Variants in MTCL1 observed in about 807,000 individuals in gnomAD.
The protein encoded by MTCL1 is microtubule cross-linking factor 1.
Under a neutral mutation model 141.4 loss-of-function variants are expected in MTCL1, and 79 were observed. The ratio of observed to expected loss-of-function variants is 0.56; its 90% CI spans 0.47 to 0.67. The LOEUF is 0.67. MTCL1 is among the 30% of genes least tolerant of loss of function. The probability of loss-of-function intolerance (pLI) is 0.00; values close to 1 mark genes in which losing one functional copy is unlikely to be tolerated. For missense variants in MTCL1, 2,177 were observed against 2,113.9 expected, an observed-to-expected ratio of 1.03 and a Z score of -0.59; for synonymous variants, 914 against 875.8, an observed-to-expected ratio of 1.04 and a Z score of -0.77.
chr18:8,756,395 ATGTATATATG>A (rs1444739770), intron 4 of MTCL1, among the ~76,000 whole-genome samples: 3 of 148,118 alleles, frequency 2.0e-5, no homozygotes, highest in African/African-American at 7.4e-5. Flanking sequence ...ATGTGTATAT[ATGTATATATG>A]TGTGTATATG....
At chr18:8,753,963 C>T (rs2096384627) in intron 4 of MTCL1, among the ~76,000 whole-genome samples, 1 of 152,162 alleles carries the variant, frequency 6.6e-6, no homozygotes, top group Non-Finnish European at 1.5e-5. Context: ...TGATATACTT[C>T]AAATTTAAAA....
chr18:8,829,109 A>C, intron 16 of MTCL1: 1 of 1,507,958 alleles, frequency 6.6e-7, no homozygotes, highest in African/African-American at 1.4e-5. Flanking sequence ...GTTCGCCTAA[A>C]CCCAGGAACA....
intron 4 of MTCL1, among the ~76,000 whole-genome samples, chr18:8,758,882 T>C (rs1362250795): frequency 6.6e-6 from 1 of 152,202 alleles, no homozygotes; most frequent in Non-Finnish European, 1.5e-5. Context: ...CAAATATACC[T>C]ATCTTGCAGA....
exon 10 of MTCL1, chr18:8,798,255 G>T (rs200288992): frequency 6.3e-7 from 1 of 1,574,856 alleles, no homozygotes; most frequent in East Asian, 2.4e-5. Flanking sequence ...ACAGCTTGCG[G>T]CTGCAGACCG....
chr18:8,784,325 C>A (rs1170555149), exon 6 of MTCL1: 2 of 1,557,316 alleles, frequency 1.3e-6, no homozygotes, highest in East Asian at 4.5e-5. Context: ...CCGCCTGCCC[C>A]AGCCCAAGCG....
At chr18:8,803,670 G>T (rs2076197961) in intron 10 of MTCL1, among the ~76,000 whole-genome samples, 1 of 152,132 alleles carries the variant, frequency 6.6e-6, no homozygotes, top group Admixed American at 6.5e-5. Context: ...GGGCTCTCTT[G>T]CTCCCTTTGG....
At chr18:8,732,533 A>G (rs1299308732) in intron 4 of MTCL1, among the ~76,000 whole-genome samples, 1 of 152,202 alleles carries the variant, frequency 6.6e-6, no homozygotes, top group Admixed American at 6.5e-5. Flanking sequence ...CTCAGACTCA[A>G]GTGAGCCATC....
chr18:8,829,815 C>G (rs942960812), intron 16 of MTCL1: 5 of 985,236 alleles, frequency 5.1e-6, no homozygotes, highest in Non-Finnish European at 6.0e-6. Flanking sequence ...AGTGGCTTCT[C>G]GGGAAAGCGC....
At chr18:8,757,962 G>C (rs1227077632) in intron 4 of MTCL1, among the ~76,000 whole-genome samples, 1 of 151,714 alleles carries the variant, frequency 6.6e-6, no homozygotes, top group Non-Finnish European at 1.5e-5. Flanking sequence ...AATATCACAA[G>C]CTGCTCCTTT....
intron 1 of MTCL1, among the ~76,000 whole-genome samples, chr18:8,708,407 T>C (rs564570442): frequency 7.9e-5 from 12 of 151,378 alleles, no homozygotes; most frequent in African/African-American, 2.9e-4. Context: ...TCTGATACAG[T>C]GTATTTGCTA....
intron 4 of MTCL1, among the ~76,000 whole-genome samples, chr18:8,747,878 G>A (rs2096348650): frequency 6.6e-6 from 1 of 152,124 alleles, no homozygotes; most frequent in African/African-American, 2.4e-5. Context: ...CAGATGGATA[G>A]CCTCAGCAGC....
exon 7 of MTCL1, chr18:8,785,936 T>G (rs750720399): frequency 6.3e-7 from 1 of 1,597,706 alleles, no homozygotes; most frequent in Admixed American, 1.8e-5. Context: ...CACCTAACAG[T>G]CCAGACTGAA....
intron 4 of MTCL1, among the ~76,000 whole-genome samples, chr18:8,762,453 T>C (rs1263379740): frequency 6.6e-6 from 1 of 152,244 alleles, no homozygotes; most frequent in Admixed American, 6.5e-5. Flanking sequence ...TCAGGATTGA[T>C]TAAGGAGAGC....
intron 14 of MTCL1, 99 bp downstream of exon 13, chr18:8,821,597 A>G: frequency 1.7e-6 from 1 of 573,464 alleles, no homozygotes; most frequent in Non-Finnish European, 3.1e-6. Context: ...ACTCTCTTCA[A>G]AATGACTTAA....
chr18:8,733,832 T>C (rs747569871), intron 4 of MTCL1, among the ~76,000 whole-genome samples: 4 of 152,208 alleles, frequency 2.6e-5, no homozygotes, highest in Non-Finnish European at 5.9e-5. Context: ...CAGGCCGTTT[T>C]TACTTTTCAA....
chr18:8,783,668 G>T (rs1339102807), exon 6 of MTCL1: 1 of 1,612,284 alleles, frequency 6.2e-7, no homozygotes, highest in South Asian at 1.1e-5. Context: ...CCTCTATGGG[G>T]ATGTGGACAG....
At chr18:8,801,170 C>T (rs893176107) in intron 10 of MTCL1, among the ~76,000 whole-genome samples, 6 of 152,134 alleles carry the variant, frequency 3.9e-5, no homozygotes, top group Non-Finnish European at 8.8e-5. Flanking sequence ...CCTGGGCTTC[C>T]GGGGCTGTGG....
Position 8,810,656 on chromosome 18 carries a change from G to C in MTCL1, c.2605-2323G>C, listed in dbSNP as rs989133326. ...TTCTGGGTTACGTGGACTTCCAGCA[G>C]CTCTTTTAAACTGGGATTTTGTGGT... On this transcript the variant is annotated intron_variant, in intron 11 of 16. Coordinates refer to ENST00000359865, the Ensembl canonical transcript of MTCL1. This position sits in a 1 kb window ranked among gnomAD's most constrained non-coding sequence, Gnocchi z 5.0. Among the ~76,000 whole-genome samples the C allele has an allele frequency of 6.6e-6, 1 of 152,124 alleles. No homozygotes were observed. The highest frequency in any genetic ancestry group is 1.5e-5 in the Non-Finnish European group (1 of 68,022).
chr18:8,744,904 T>C (rs1416185043), intron 4 of MTCL1, among the ~76,000 whole-genome samples: 3 of 152,222 alleles, frequency 2.0e-5, no homozygotes, highest in Non-Finnish European at 4.4e-5. Flanking sequence ...TAGAGGCTTA[T>C]GCAGGGAGTG....
Sources: allele counts gnomAD v4.1 joint callset (sites outside exome capture counted in the v4.1 genomes callset), GRCh38; gene constraint gnomAD v4.1.1; non-coding constraint Gnocchi (gnomAD v3.1); transcripts MANE v1.5; gene names NCBI Gene and HGNC (gene_info 2026-07-23, HGNC 2026-07-21).